The following G6PC1 variants were observed in gnomAD, a reference collection of about 807,000 sequenced individuals.
The protein encoded by G6PC1 is G-6-Pase.
G6PC1 carries 23 observed loss-of-function variants against 30.4 expected under a neutral mutation model. The ratio of observed to expected loss-of-function variants is 0.76; its 90% CI spans 0.55 to 1.07. The LOEUF (loss-of-function observed/expected upper bound fraction) is 1.07. Among genes scored for constraint, G6PC1 ranks in the 50% least tolerant of loss-of-function variants. The pLI, the probability that G6PC1 is intolerant of heterozygous loss-of-function variation, is 0.00. For missense variants in G6PC1, 391 were observed against 433.9 expected (o/e 0.90, Z 0.88); for synonymous variants, 163 against 175.6 (o/e 0.93, Z 0.57).
chr17:42,905,443 TACACACACACACACACAC>T (rs748185736), intron 2 of G6PC1, among the ~76,000 whole-genome samples: 1 of 87,928 alleles, frequency 1.1e-5, no homozygotes, highest in Non-Finnish European at 2.1e-5. Context: ...TATATATATA[TACACACACACACACACAC>T]ACACACACAC....
chr17:42,909,725 C>G (rs1035107238), intron 4 of G6PC1, among the ~76,000 whole-genome samples: 3 of 152,194 alleles, frequency 2.0e-5, no homozygotes, highest in African/African-American at 7.2e-5. Flanking sequence ...CCCTAATTTA[C>G]TTTTCAGGGA....
At chr17:42,906,813 G>A (rs1342833176) in intron 2 of G6PC1, among the ~76,000 whole-genome samples, 2 of 152,160 alleles carry the variant, frequency 1.3e-5, no homozygotes, top group African/African-American at 2.4e-5. Flanking sequence ...CCAGGAGGTC[G>A]AGGCTGCAGT....
intron 3 of G6PC1, among the ~76,000 whole-genome samples, chr17:42,907,845 A>G (rs1049015719): frequency 1.3e-5 from 2 of 152,164 alleles, no homozygotes; most frequent in Admixed American, 6.5e-5. Context: ...TGTTTTACAG[A>G]TAAGGAAACA....
chr17:42,908,598 G>T (rs753039231), intron 3 of G6PC1, among the ~76,000 whole-genome samples: 1 of 150,844 alleles, frequency 6.6e-6, no homozygotes, highest in East Asian at 2.0e-4. Flanking sequence ...GTAGAGATGG[G>T]GTTTCACCAT....
intron 3 of G6PC1, among the ~76,000 whole-genome samples, chr17:42,909,069 C>T (rs928237323): frequency 1.3e-5 from 2 of 152,110 alleles, no homozygotes; most frequent in African/African-American, 4.8e-5. Context: ...GTCTTGAACT[C>T]CTGGCCTCAA....
chr17:42,901,633 C>T (rs189406181), intron 1 of G6PC1, among the ~76,000 whole-genome samples: 43 of 150,038 alleles, frequency 2.9e-4, no homozygotes, highest in South Asian at 6.3e-4. Context: ...AGGTGAGAGG[C>T]GGAGGAGGTT....
intron 1 of G6PC1, 123 bp from the exon 2 acceptor site, chr17:42,903,808 C>G: frequency 1.4e-6 from 1 of 738,260 alleles, no homozygotes. Flanking sequence ...CCCCAGCCAC[C>G]CAGTTCTCCC....
chr17:42,908,704 C>CTT (rs751084537), intron 3 of G6PC1, among the ~76,000 whole-genome samples: 10,911 of 120,126 alleles, frequency 0.091, 763 homozygotes, highest in African/African-American at 0.15. Context: ...CGCGCCTGGC[C>CTT]TTTTTTTTTT....
intron 3 of G6PC1, among the ~76,000 whole-genome samples, chr17:42,907,879 TATA>T (rs1230200209): frequency 6.6e-6 from 1 of 152,162 alleles, no homozygotes; most frequent in Non-Finnish European, 1.5e-5. Context: ...TGAAGGGACT[TATA>T]AAAATAAGGT....
At chr17:42,903,621 G>A (rs181576763) in intron 1 of G6PC1, among the ~76,000 whole-genome samples, 43 of 152,044 alleles carry the variant, frequency 2.8e-4, no homozygotes, top group Non-Finnish European at 5.4e-4. Context: ...GGCTGAGGTG[G>A]GAGGATCCCA....
intron 4 of G6PC1, 128 bp downstream of exon 4, chr17:42,909,546 T>G: frequency 1.3e-6 from 1 of 774,210 alleles, no homozygotes; most frequent in Admixed American, 1.9e-5. Flanking sequence ...TTTCTGTGGG[T>G]TGAAAGTCAA....
Position 42,911,778 on chromosome 17 carries a change from T to C in G6PC1, c.*352T>C, listed in dbSNP as rs2056098280. On this transcript the variant is annotated 3_prime_UTR_variant, in exon 5 of 5. Transcript: ENST00000253801. The stretch of plus-strand genomic sequence containing the variant: ...CTTTGAATGGTCTTCTGCCAGCCCA[T>C]TTTGAGGCCAGAGGTGCTGTCAGCT... 5.6e-6 allele frequency: 2 copies of C among 354,700 alleles called. No individual in the cohort carries two copies. Among genetic ancestry groups the C allele is most frequent in the Non-Finnish European group, 1.1e-5 (2 of 187,480 alleles). The allele number at this position is 354,700 out of a possible 1,614,324, so 22.0% of individuals were successfully genotyped here.
intron 2 of G6PC1, among the ~76,000 whole-genome samples, chr17:42,906,964 G>A (rs2056065833): frequency 6.6e-6 from 1 of 152,158 alleles, no homozygotes; most frequent in Non-Finnish European, 1.5e-5. Flanking sequence ...GACTCACTGA[G>A]AATATGAGAT....
intron 2 of G6PC1, 56 bp downstream of exon 2, chr17:42,904,096 G>A: frequency 8.6e-7 from 1 of 1,163,942 alleles, no homozygotes; most frequent in South Asian, 1.2e-5. Flanking sequence ...TACCTGTTAT[G>A]GATGAAACTG....
At chr17:42,903,491 A>G (rs552412025) in intron 1 of G6PC1, among the ~76,000 whole-genome samples, 1 of 151,208 alleles carries the variant, frequency 6.6e-6, no homozygotes, top group Non-Finnish European at 1.5e-5. Flanking sequence ...AGGTGGGAGG[A>G]TTGCCTGAGT....
chr17:42,901,906 C>T lies in G6PC1; in HGVS notation c.230+800C>T, dbSNP rs118128980. Among the ~76,000 whole-genome samples the T allele has an allele frequency of 4.8e-4, 73 of 152,302 alleles. No homozygotes were observed. The East Asian group carries it at 0.012, about 25-fold the overall frequency. ...GTTTTATAATCTACAAATAGGTTAT[C>T]TCTGGCAGCTTAATAATAATCAGGG... On this transcript the variant is annotated intron_variant, in intron 1 of 4. Coordinates refer to ENST00000253801, the MANE Select transcript of G6PC1 (RefSeq NM_000151.4).
At chr17:42,909,058 A>G (rs1447785219) in intron 3 of G6PC1, among the ~76,000 whole-genome samples, 1 of 151,798 alleles carries the variant, frequency 6.6e-6, no homozygotes, top group Non-Finnish European at 1.5e-5. Context: ...TGCCCAGACT[A>G]GTCTTGAACT....
chr17:42,902,109 C>T (rs1028185946), intron 1 of G6PC1, among the ~76,000 whole-genome samples: 5 of 152,150 alleles, frequency 3.3e-5, no homozygotes, highest in East Asian at 1.9e-4. Flanking sequence ...GGCTGGCTTC[C>T]GCGGCAATGC....
chr17:42,914,013 T>G lies in G6PC1; in HGVS notation c.*2587T>G, dbSNP rs1165134647. The stretch of plus-strand genomic sequence containing the variant: ...ATATTCAGGGAAGATTGCATTCTCC[T>G]ACTGGATTTGGGCTCTCAGAGGGCG... On this transcript the variant is annotated 3_prime_UTR_variant, in exon 5 of 5. Coordinates refer to ENST00000253801, the MANE Select transcript of G6PC1 (RefSeq NM_000151.4). 6.6e-6 allele frequency among the ~76,000 whole-genome samples: 1 copy of G among 152,152 alleles called. No homozygotes were observed. The highest frequency in any genetic ancestry group is 1.5e-5 in the Non-Finnish European group (1 of 68,028).
Sources: allele counts gnomAD v4.1 joint callset (sites outside exome capture counted in the v4.1 genomes callset), GRCh38; gene constraint gnomAD v4.1.1; transcripts MANE v1.5; gene names NCBI Gene and HGNC (gene_info 2026-07-23, HGNC 2026-07-21).